The following SIK3 variants were observed in gnomAD, a reference collection of about 807,000 sequenced individuals.
SIK3 encodes the protein serine/threonine-protein kinase SIK3.
In SIK3, 28 loss-of-function variants were observed where a neutral mutation model predicts 144.2. The ratio of observed to expected loss-of-function variants is 0.19; its 90% CI spans 0.14 to 0.27. The LOEUF is 0.27. Among genes scored for constraint, SIK3 ranks in the 10% least tolerant of loss-of-function variants. The pLI is 1.00. For missense variants in SIK3, 1,319 were observed against 1,776.0 expected, an observed-to-expected ratio of 0.74 and a Z score of 4.62; for synonymous variants, 686 against 676.3, an observed-to-expected ratio of 1.01 and a Z score of -0.22.
At chr11:117,067,068 T>C (rs1954057516) in intron 1 of SIK3, among the ~76,000 whole-genome samples, 1 of 152,196 alleles carries the variant, frequency 6.6e-6, no homozygotes, top group Non-Finnish European at 1.5e-5. Flanking sequence ...TCTCATATAT[T>C]GCTAAAGAGA....
intron 1 of SIK3, among the ~76,000 whole-genome samples, chr11:116,990,699 T>C (rs893011415): frequency 1.3e-5 from 2 of 152,202 alleles, no homozygotes; most frequent in African/African-American, 2.4e-5. Context: ...CTTTGTGTCC[T>C]TGGGTACCTT....
intron 3 of SIK3, among the ~76,000 whole-genome samples, chr11:116,945,411 CAG>C (rs35485516): frequency 0.092 from 9,397 of 102,006 alleles, 387 homozygotes; most frequent in Middle Eastern, 0.18. Flanking sequence ...TTTTAAATAA[CAG>C]AGAATTTCTC....
At chr11:116,890,618 T>C (rs1270722693) in intron 6 of SIK3, among the ~76,000 whole-genome samples, 1 of 152,196 alleles carries the variant, frequency 6.6e-6, no homozygotes, top group Non-Finnish European at 1.5e-5. Context: ...AGTTACAATA[T>C]AAAGCTTGGT....
chr11:116,963,746 CT>C (rs1949429792), intron 1 of SIK3, among the ~76,000 whole-genome samples: 1 of 152,180 alleles, frequency 6.6e-6, no homozygotes, highest in African/African-American at 2.4e-5. Context: ...AAAATAGTCA[CT>C]CAATTTTCTT....
intron 21 of SIK3, among the ~76,000 whole-genome samples, chr11:116,853,182 AC>A (rs1447061485): frequency 6.6e-6 from 1 of 152,202 alleles, no homozygotes. Flanking sequence ...ACTGTAAAAG[AC>A]CAAATAAGTC....
chr11:116,955,402 A>G (rs1949104103), intron 2 of SIK3, among the ~76,000 whole-genome samples: 1 of 152,060 alleles, frequency 6.6e-6, no homozygotes, highest in South Asian at 2.1e-4. Context: ...CGTCTCAAAA[A>G]TAAATAAATA....
At chr11:116,982,881 T>G (rs1420752504) in intron 1 of SIK3, among the ~76,000 whole-genome samples, 40 of 126,554 alleles carry the variant, frequency 3.2e-4, no homozygotes, top group African/African-American at 1.0e-3. Context: ...GAGGCGGAGG[T>G]GGCAGTGAGC....
intron 1 of SIK3, among the ~76,000 whole-genome samples, chr11:117,075,507 A>G (rs1954471001): frequency 6.6e-6 from 1 of 150,706 alleles, no homozygotes; most frequent in South Asian, 2.1e-4. Context: ...TCTATGTGCT[A>G]TGTATATCCA....
chr11:117,080,491 T>C (rs1391950316), intron 1 of SIK3, among the ~76,000 whole-genome samples: 1 of 152,204 alleles, frequency 6.6e-6, no homozygotes, highest in Admixed American at 6.5e-5. Context: ...ACGTTGACTC[T>C]AGGTCACACT....
Position 116,875,928 on chromosome 11 carries a change from G to A in SIK3, c.1177C>T (p.Arg393Cys), listed in dbSNP as rs917241109. ...GGCATGCTAGGAAGTGCTCCGAGAC[G>A]CAGGGTTTTATGTCTCTTATGTCGA... ...CDRHKRHKTL[R>C]LGALPSMPRA... is the part of the protein sequence containing the mutation. The change falls in exon 9 of 25, where the codon CGT becomes TGT. Residue 393 changes from arginine to cysteine, a missense_variant. Coordinates refer to ENST00000445177, the MANE Select transcript of SIK3 (RefSeq NM_001366686.3). The A allele has an allele frequency of 6.8e-6, 11 of 1,612,966 alleles. No homozygotes were observed. The highest frequency in any genetic ancestry group is 9.3e-6 in the Non-Finnish European group (11 of 1,179,798).
chr11:117,021,783 C>T (rs2135742783), intron 1 of SIK3, among the ~76,000 whole-genome samples: 1 of 151,486 alleles, frequency 6.6e-6, no homozygotes, highest in Admixed American at 6.6e-5. Context: ...CGTAACAAGA[C>T]GTCATCTCTA....
intron 1 of SIK3, among the ~76,000 whole-genome samples, chr11:117,017,529 GT>G (rs1951590154): frequency 1.9e-5 from 1 of 51,614 alleles, no homozygotes; most frequent in African/African-American, 3.5e-5. Context: ...TAAAACAAAT[GT>G]TTTTTTAAGG....
intron 1 of SIK3, among the ~76,000 whole-genome samples, chr11:116,967,038 G>GAA (rs923405817): frequency 7.1e-6 from 1 of 141,674 alleles, no homozygotes; most frequent in Non-Finnish European, 1.5e-5. Flanking sequence ...AAAAAGAAAA[G>GAA]AAAAAAAGAA....
At chr11:116,857,202 A>G (rs1942994638) in intron 21 of SIK3, 1 of 153,122 alleles carries the variant, frequency 6.5e-6, no homozygotes, top group Non-Finnish European at 1.5e-5. Flanking sequence ...AATACCTCAC[A>G]TTTATGCACT....
chr11:116,943,655 A>T (rs1282714668), intron 3 of SIK3, among the ~76,000 whole-genome samples: 1 of 152,112 alleles, frequency 6.6e-6, no homozygotes, highest in African/African-American at 2.4e-5. Flanking sequence ...TGTGAACATC[A>T]ATGAGGATAA....
At chr11:116,856,145 TGAG>T (rs936564605) in intron 21 of SIK3, among the ~76,000 whole-genome samples, 1 of 144,998 alleles carries the variant, frequency 6.9e-6, no homozygotes, top group African/African-American at 2.6e-5. Flanking sequence ...TGCAGTGAGC[TGAG>T]ATCGCACCAC....
chr11:116,856,119 C>CTG (rs1398999329), intron 21 of SIK3, among the ~76,000 whole-genome samples: 3 of 149,268 alleles, frequency 2.0e-5, no homozygotes, highest in African/African-American at 7.4e-5. Flanking sequence ...ATGGCGTGAG[C>CTG]ATTGTAGGCA....
intron 1 of SIK3, among the ~76,000 whole-genome samples, chr11:116,986,824 T>C (rs897041595): frequency 6.6e-6 from 1 of 152,218 alleles, no homozygotes. Flanking sequence ...TTTACTGGAT[T>C]ACTCTCCTCT....
chr11:117,044,614 A>AG (rs140772203), intron 1 of SIK3, among the ~76,000 whole-genome samples: 8,311 of 112,736 alleles, frequency 0.074, 485 homozygotes, highest in African/African-American at 0.15. Context: ...TGTATCACCA[A>AG]GAAAAAAAAA....
Sources: gnomAD v4.1 joint callset for allele counts (sites outside exome capture counted in the v4.1 genomes callset) on GRCh38, gnomAD v4.1.1 for gene constraint, MANE v1.5 for transcripts, NCBI Gene and HGNC (gene_info 2026-07-23, HGNC 2026-07-21) for gene names.